The following RALGAPA2 variants were observed in gnomAD, a reference collection of about 807,000 sequenced individuals.
RALGAPA2 encodes the protein ral GTPase-activating protein subunit alpha-2.
In RALGAPA2, 139 loss-of-function variants were observed where a neutral mutation model predicts 230.4. The observed-to-expected ratio is 0.60, with a 90% CI of 0.53 to 0.69. The LOEUF (loss-of-function observed/expected upper bound fraction) is 0.69. Among genes scored for constraint, RALGAPA2 ranks in the 30% least tolerant of loss-of-function variants. The probability of loss-of-function intolerance (pLI) is 0.00; values close to 1 mark genes in which losing one functional copy is unlikely to be tolerated. For synonymous variants in RALGAPA2, 847 were observed against 837.8 expected (o/e 1.01, Z -0.19); for missense variants, 2,163 against 2,276.0 (o/e 0.95, Z 1.01).
At position 20,492,750 on chromosome 20, in the gene RALGAPA2, C is replaced by T. The variant is rs563033559; in HGVS notation, c.5367+2367G>A. 3.3e-5 allele frequency among the ~76,000 whole-genome samples: 5 copies of T among 152,184 alleles called. No homozygotes were observed. The East Asian group carries it at 7.7e-4, about 24-fold the overall frequency. ...GTAATATCCTCATGCATCTGGGACGCGTGGAATGCATTCATACTAACAGAC... is the reference window on the plus strand; with the variant it reads ...GTAATATCCTCATGCATCTGGGACGTGTGGAATGCATTCATACTAACAGAC... On this transcript the variant is annotated intron_variant, in intron 36 of 39. Coordinates refer to ENST00000202677, the MANE Select transcript of RALGAPA2 (RefSeq NM_020343.4).
In RALGAPA2 at chr20:20,572,910, A is replaced by G. The variant is rs370905551; in HGVS notation, c.2866T>C (p.Cys956Arg). The G allele has an allele frequency of 4.8e-5, 75 of 1,563,134 alleles. No homozygotes were observed. Among genetic ancestry groups the G allele is most frequent in the Non-Finnish European group, 6.3e-5 (73 of 1,153,020 alleles). ...QSPKIHARVF[C>R]YLYELWYKLA... ...TTGTACCAGAGTTCATAGAGATAGC[A>G]GAAAACTCTGGCATGGATCTTGGGT... Residue 956 changes from cysteine to arginine, a missense_variant, in exon 21 of 40, where the codon TGC becomes CGC. Coordinates refer to ENST00000202677, the MANE Select transcript of RALGAPA2 (RefSeq NM_020343.4).
chr20:20,586,127 A>G (rs1212283677), intron 18 of RALGAPA2, among the ~76,000 whole-genome samples: 1 of 152,186 alleles, frequency 6.6e-6, no homozygotes, highest in Admixed American at 6.5e-5. Flanking sequence ...TTCTAACTAT[A>G]TGAGAGACAC....
At chr20:20,597,813 T>A (rs1171698750) in intron 16 of RALGAPA2, among the ~76,000 whole-genome samples, 1 of 152,150 alleles carries the variant, frequency 6.6e-6, no homozygotes, top group East Asian at 1.9e-4. Flanking sequence ...CACTCCAGCC[T>A]GGGCAACAGA....
chr20:20,593,140 T>C (rs1409511033), intron 16 of RALGAPA2, among the ~76,000 whole-genome samples: 2 of 152,216 alleles, frequency 1.3e-5, no homozygotes, highest in East Asian at 1.9e-4. Context: ...TGGTCTCAAG[T>C]AGTCCGCCCA....
intron 23 of RALGAPA2, among the ~76,000 whole-genome samples, chr20:20,569,209 A>T (rs1250016272): frequency 3.3e-5 from 5 of 152,208 alleles, no homozygotes; most frequent in Non-Finnish European, 7.3e-5. Flanking sequence ...AACTTAAATG[A>T]AAAAAAGTTT....
At chr20:20,411,979 C>T (rs1430783708) in intron 38 of RALGAPA2, 48 bp downstream of exon 38, 1 of 1,607,514 alleles carries the variant, frequency 6.2e-7, no homozygotes, top group African/African-American at 1.3e-5. Flanking sequence ...ACATCTGCTG[C>T]TCGAATGCGT....
At chr20:20,525,128 G>A (rs1215416164) in intron 28 of RALGAPA2, among the ~76,000 whole-genome samples, 1 of 152,132 alleles carries the variant, frequency 6.6e-6, no homozygotes, top group African/African-American at 2.4e-5. Context: ...AATTAGGAGG[G>A]AAGGCAGAGA....
At chr20:20,613,771 C>T (rs750779319) in intron 13 of RALGAPA2, among the ~76,000 whole-genome samples, 1 of 152,174 alleles carries the variant, frequency 6.6e-6, no homozygotes, top group Non-Finnish European at 1.5e-5. Flanking sequence ...CTTAGACCTC[C>T]CCAAGGCTCC....
intron 33 of RALGAPA2, among the ~76,000 whole-genome samples, chr20:20,506,695 A>G (rs1243083424): frequency 6.6e-6 from 1 of 152,160 alleles, no homozygotes; most frequent in Non-Finnish European, 1.5e-5. Flanking sequence ...TAATTTTTTA[A>G]TATTTGTTTA....
chr20:20,428,645 C>A (rs2122940301), intron 37 of RALGAPA2, among the ~76,000 whole-genome samples: 1 of 152,170 alleles, frequency 6.6e-6, no homozygotes, highest in South Asian at 2.1e-4. Flanking sequence ...ATGTGGTGGC[C>A]CATCCACATC....
intron 24 of RALGAPA2, among the ~76,000 whole-genome samples, chr20:20,544,733 A>G (rs2063736116): frequency 6.6e-6 from 1 of 152,210 alleles, no homozygotes; most frequent in African/African-American, 2.4e-5. Context: ...ATATGGATGA[A>G]GCTGGAAACC....
chr20:20,459,949 G>A (rs1306280623), intron 37 of RALGAPA2, among the ~76,000 whole-genome samples: 3 of 152,188 alleles, frequency 2.0e-5, no homozygotes, highest in African/African-American at 7.2e-5. Flanking sequence ...CTCTCCCAGA[G>A]CATAGGCTGC....
intron 37 of RALGAPA2, among the ~76,000 whole-genome samples, chr20:20,463,908 A>G (rs1289502009): frequency 6.6e-6 from 1 of 152,210 alleles, no homozygotes; most frequent in Non-Finnish European, 1.5e-5. Flanking sequence ...CTTTTCTAAC[A>G]GCTTTCTAAT....
At position 20,495,209 on chromosome 20, in the gene RALGAPA2, C is replaced by T; in HGVS notation, c.5275G>A (p.Gly1759Ser). The change falls in exon 36 of 40, where the codon GGT becomes AGT. Residue 1759 changes from glycine to serine, a missense_variant. Physicochemically the swap from Gly to Ser is moderately conservative, Grantham distance 56. Transcript: ENST00000202677. ...TCTCCAAAGGCAGTTGGGATAATAC[C>T]CCTGCGGTAGTCTCTGGAGTGTTCA... ...WSEHSRDYRRGIIPTAFGDVS... is the reference protein window; with the variant it reads ...WSEHSRDYRRSIIPTAFGDVS... 1 of 1,610,402 alleles carries T rather than the reference C, an allele frequency of 6.2e-7. No individual in the cohort carries two copies. Among genetic ancestry groups the T allele is most frequent in the Non-Finnish European group, 8.5e-7 (1 of 1,177,262 alleles).
intron 38 of RALGAPA2, among the ~76,000 whole-genome samples, chr20:20,402,195 A>G (rs535088658): frequency 5.9e-5 from 9 of 152,362 alleles, no homozygotes; most frequent in South Asian, 2.1e-4. Flanking sequence ...CCATTCCTCA[A>G]CTGTCAGAGA....
intron 37 of RALGAPA2, among the ~76,000 whole-genome samples, chr20:20,413,078 C>G (rs183772265): frequency 2.6e-5 from 4 of 152,190 alleles, no homozygotes; most frequent in African/African-American, 9.6e-5. Flanking sequence ...CTCATTTTCC[C>G]CTTCCTCATT....
chr20:20,421,751 A>G (rs1272819856), intron 37 of RALGAPA2, among the ~76,000 whole-genome samples: 2 of 152,200 alleles, frequency 1.3e-5, no homozygotes, highest in Non-Finnish European at 2.9e-5. Context: ...AAAAGTTAAC[A>G]TATTATCCAG....
intron 24 of RALGAPA2, among the ~76,000 whole-genome samples, chr20:20,544,876 G>A (rs187965410): frequency 6.6e-6 from 1 of 152,026 alleles, no homozygotes; most frequent in Admixed American, 6.6e-5. Flanking sequence ...GTCAGGGGGT[G>A]GGGGGCAAGG....
intron 23 of RALGAPA2, among the ~76,000 whole-genome samples, chr20:20,548,781 G>A (rs1394132695): frequency 3.3e-5 from 5 of 152,164 alleles, no homozygotes; most frequent in Non-Finnish European, 7.3e-5. Context: ...TCTGATTAAT[G>A]CCCTAGGCTC....
Sources: allele counts gnomAD v4.1 joint callset (sites outside exome capture counted in the v4.1 genomes callset), GRCh38; gene constraint gnomAD v4.1.1; transcripts MANE v1.5; gene names NCBI Gene and HGNC (gene_info 2026-07-23, HGNC 2026-07-21).